The following DLG2 variants were observed in gnomAD, a reference collection of about 807,000 sequenced individuals.
DLG2 encodes discs large MAGUK scaffold protein 2.
Under a neutral mutation model 132.5 loss-of-function variants are expected in DLG2, and 45 were observed. The ratio of observed to expected loss-of-function variants is 0.34; its 90% CI spans 0.27 to 0.44. The LOEUF is 0.44. Ranked by LOEUF, DLG2 falls within the 20% of genes least tolerant of loss-of-function variation. The pLI is 1.00. For missense variants in DLG2, 1,045 were observed against 1,196.9 expected, an observed-to-expected ratio of 0.87 and a Z score of 1.87; for synonymous variants, 424 against 419.6, an observed-to-expected ratio of 1.01 and a Z score of -0.13.
intron 18 of DLG2, among the ~76,000 whole-genome samples, chr11:83,764,893 C>T (rs560930888): frequency 2.6e-5 from 4 of 152,298 alleles, no homozygotes; most frequent in African/African-American, 7.2e-5. Context: ...GAGACAAACT[C>T]GGCTCTCAGG....
intron 3 of DLG2, among the ~76,000 whole-genome samples, chr11:85,441,952 G>A (rs1467911183): frequency 2.0e-5 from 3 of 151,996 alleles, no homozygotes; most frequent in Admixed American, 1.3e-4. Flanking sequence ...AGGATTTTCT[G>A]ACTTAAGCTA....
At chr11:84,577,422 TG>T (rs1395298143) in intron 6 of DLG2, among the ~76,000 whole-genome samples, 1 of 152,138 alleles carries the variant, frequency 6.6e-6, no homozygotes, top group African/African-American at 2.4e-5. Flanking sequence ...TTGCCCAAAA[TG>T]CTGATAGATA....
At chr11:84,942,604 T>C (rs1423107779) in intron 6 of DLG2, among the ~76,000 whole-genome samples, 1 of 152,204 alleles carries the variant, frequency 6.6e-6, no homozygotes, top group Non-Finnish European at 1.5e-5. Context: ...ATTATTACAA[T>C]TTTTTAAAAT....
intron 7 of DLG2, among the ~76,000 whole-genome samples, chr11:84,454,423 A>G (rs908423328): frequency 2.6e-5 from 4 of 151,544 alleles, no homozygotes; most frequent in African/African-American, 9.7e-5. Context: ...ACCACTTCAG[A>G]AATGTTTGGG....
chr11:84,813,510 C>A (rs994398633), intron 6 of DLG2, among the ~76,000 whole-genome samples: 3 of 152,064 alleles, frequency 2.0e-5, no homozygotes, highest in Admixed American at 6.6e-5. Flanking sequence ...TTCCACTATT[C>A]TTTGCAATGT....
In DLG2 at chr11:84,896,931, G is replaced by T. The variant is rs991083697; in HGVS notation, c.357+214730C>A. 2.0e-5 allele frequency among the ~76,000 whole-genome samples: 3 copies of T among 151,578 alleles called. No homozygotes were observed. The South Asian group carries it at 6.2e-4, about 31-fold the overall frequency. On this transcript the variant is annotated intron_variant, in intron 6 of 27. Coordinates refer to ENST00000376104, the MANE Select transcript of DLG2 (RefSeq NM_001142699.3). ...CTACAGTTTTGGGCATCCATTGGGG[G>T]TTTTGAGCATATCCCCTGTGGCTAA... is the stretch of plus-strand genomic sequence containing the variant.
intron 10 of DLG2, among the ~76,000 whole-genome samples, chr11:84,088,377 A>G (rs961663975): frequency 7.7e-6 from 1 of 130,660 alleles, no homozygotes; most frequent in African/African-American, 3.6e-5. Context: ...TTGCTAGAGA[A>G]AAAAAAAAAA....
intron 3 of DLG2, among the ~76,000 whole-genome samples, chr11:85,502,646 G>T (rs1351364794): frequency 1.3e-5 from 2 of 151,974 alleles, no homozygotes; most frequent in African/African-American, 4.8e-5. Flanking sequence ...ACTGAGGCCT[G>T]TCGGCGGGTT....
At chr11:85,128,200 G>A (rs2075348107) in intron 5 of DLG2, among the ~76,000 whole-genome samples, 1 of 151,980 alleles carries the variant, frequency 6.6e-6, no homozygotes, top group African/African-American at 2.4e-5. Flanking sequence ...TTAACATATT[G>A]CAGTTTTATT....
chr11:83,476,122 C>T (rs761470082), intron 22 of DLG2, among the ~76,000 whole-genome samples: 1 of 151,998 alleles, frequency 6.6e-6, no homozygotes, highest in Non-Finnish European at 1.5e-5. Context: ...AGTTGAAGAC[C>T]AGTGGCAGTA....
intron 18 of DLG2, among the ~76,000 whole-genome samples, chr11:83,678,235 T>A (rs1360410390): frequency 6.6e-6 from 1 of 152,114 alleles, no homozygotes; most frequent in Non-Finnish European, 1.5e-5. Flanking sequence ...TCTTTTGGGT[T>A]AATGGAGGAA....
At chr11:83,471,770 G>A (rs2092057266) in intron 23 of DLG2, 43 bp from the exon 24 acceptor site, 1 of 1,515,892 alleles carries the variant, frequency 6.6e-7, no homozygotes, top group Non-Finnish European at 9.1e-7. Context: ...AGAAAGAGTT[G>A]GAAACAACTG....
At chr11:84,739,686 G>A (rs1174541610) in intron 6 of DLG2, among the ~76,000 whole-genome samples, 4 of 152,174 alleles carry the variant, frequency 2.6e-5, no homozygotes, top group Admixed American at 2.0e-4. Context: ...TCATTTGACT[G>A]TTGATTAGAA....
At chr11:85,585,164 G>C (rs1257783481) in intron 3 of DLG2, among the ~76,000 whole-genome samples, 1 of 152,134 alleles carries the variant, frequency 6.6e-6, no homozygotes, top group Non-Finnish European at 1.5e-5. Context: ...GATCCATCTT[G>C]AGTGGATTTT....
intron 17 of DLG2, chr11:83,791,671 C>T (rs1012250720): frequency 2.0e-5 from 6 of 306,262 alleles, no homozygotes; most frequent in Non-Finnish European, 3.7e-5. Context: ...CGGTGGCTCA[C>T]GCCTGTAATC....
intron 18 of DLG2, among the ~76,000 whole-genome samples, chr11:83,688,762 C>G (rs534713622): frequency 1.5e-4 from 23 of 152,232 alleles, no homozygotes; most frequent in African/African-American, 5.3e-4. Flanking sequence ...AAGGAGAAAG[C>G]CTTCCTACAT....
chr11:85,585,466 G>A (rs2078904818), intron 3 of DLG2, among the ~76,000 whole-genome samples: 1 of 152,250 alleles, frequency 6.6e-6, no homozygotes, highest in Non-Finnish European at 1.5e-5. Context: ...TAGAAGTGGT[G>A]GAAATGGGCA....
At chr11:84,005,665 A>T (rs1426977314) in intron 11 of DLG2, among the ~76,000 whole-genome samples, 1 of 151,946 alleles carries the variant, frequency 6.6e-6, no homozygotes, top group Non-Finnish European at 1.5e-5. Context: ...ATCCCATTAA[A>T]AATGGGCAAA....
chr11:85,016,826 C>T (rs1038904103), intron 6 of DLG2, among the ~76,000 whole-genome samples: 1 of 152,044 alleles, frequency 6.6e-6, no homozygotes, highest in South Asian at 2.1e-4. Context: ...GTGTGTTCTC[C>T]CTGCACAGGT....
Sources: allele counts gnomAD v4.1 joint callset (sites outside exome capture counted in the v4.1 genomes callset), GRCh38; gene constraint gnomAD v4.1.1; transcripts MANE v1.5; gene names NCBI Gene and HGNC (gene_info 2026-07-23, HGNC 2026-07-21).